The following VRK2 variants were observed in gnomAD, a reference collection of about 807,000 sequenced individuals.
VRK2 encodes serine/threonine-protein kinase VRK2.
VRK2 carries 60 observed loss-of-function variants against 57.6 expected under a neutral mutation model. The observed-to-expected ratio is 1.04, with a 90% CI of 0.85 to 1.29. The LOEUF is 1.29. Ranked by LOEUF, VRK2 falls within the 50% of genes most tolerant of loss-of-function variation. The pLI, the probability that VRK2 is intolerant of heterozygous loss-of-function variation, is 0.00. For missense variants in VRK2, 705 were observed against 588.1 expected, an observed-to-expected ratio of 1.20 and a Z score of -2.06; for synonymous variants, 231 against 199.2, an observed-to-expected ratio of 1.16 and a Z score of -1.35.
At chr2:58,154,579 C>G (rs1314872537) in intron 12 of VRK2, among the ~76,000 whole-genome samples, 1 of 151,796 alleles carries the variant, frequency 6.6e-6, no homozygotes, top group East Asian at 1.9e-4. Context: ...TTAGCTATGT[C>G]CCATGTTTTG....
chr2:58,100,810 ACT>A (rs1443427288), intron 7 of VRK2, among the ~76,000 whole-genome samples: 13 of 151,752 alleles, frequency 8.6e-5, no homozygotes, highest in African/African-American at 2.2e-4. Flanking sequence ...AGAAAAATAA[ACT>A]CTATGCTAAA....
At chr2:57,946,880 T>C (rs561680445) in intron 1 of VRK2, among the ~76,000 whole-genome samples, 1 of 152,234 alleles carries the variant, frequency 6.6e-6, no homozygotes, top group Non-Finnish European at 1.5e-5. Flanking sequence ...CAGTTTACTA[T>C]AGCCTGGCTA....
chr2:58,083,484 TTGAAA>T (rs958423833), intron 2 of VRK2, among the ~76,000 whole-genome samples: 12 of 151,972 alleles, frequency 7.9e-5, no homozygotes, highest in African/African-American at 2.6e-4. Context: ...GTAAGGTAAC[TTGAAA>T]TGAATTTATG....
At chr2:58,119,256 G>A (rs1677031026) in intron 7 of VRK2, among the ~76,000 whole-genome samples, 2 of 151,838 alleles carry the variant, frequency 1.3e-5, no homozygotes, top group African/African-American at 4.8e-5. Context: ...CCAGCACTTT[G>A]GGAGACCAAG....
chr2:58,026,059 G>T (rs1432391939), intron 2 of VRK2, among the ~76,000 whole-genome samples: 1 of 152,110 alleles, frequency 6.6e-6, no homozygotes, highest in Non-Finnish European at 1.5e-5. Context: ...TCTACTGGGG[G>T]ATTTTAATAC....
intron 1 of VRK2, among the ~76,000 whole-genome samples, chr2:57,991,698 C>G (rs769839043): frequency 4.0e-5 from 6 of 151,804 alleles, no homozygotes; most frequent in Admixed American, 6.6e-5. Context: ...CCTGTAATCC[C>G]CAGCACTTTG....
intron 1 of VRK2, among the ~76,000 whole-genome samples, chr2:57,952,965 A>G (rs2103980887): frequency 6.6e-6 from 1 of 152,292 alleles, no homozygotes; most frequent in African/African-American, 2.4e-5. Flanking sequence ...GCTTCTCGTC[A>G]GATGTCGTGG....
intron 7 of VRK2, among the ~76,000 whole-genome samples, chr2:58,114,510 T>C (rs1676116215): frequency 1.3e-5 from 2 of 152,302 alleles, no homozygotes; most frequent in South Asian, 2.1e-4. Context: ...TACAGGAGCT[T>C]AAATGGGCTG....
chr2:58,012,285 C>A (rs1673438398), intron 1 of VRK2, among the ~76,000 whole-genome samples: 1 of 152,126 alleles, frequency 6.6e-6, no homozygotes, highest in African/African-American at 2.4e-5. Context: ...TATTCCTTTA[C>A]TTTCCTAATA....
chr2:57,978,852 T>C (rs1672329341), intron 1 of VRK2, among the ~76,000 whole-genome samples: 1 of 150,796 alleles, frequency 6.6e-6, no homozygotes, highest in Non-Finnish European at 1.5e-5. Flanking sequence ...CCTCTCCATG[T>C]CCATGTGTTC....
intron 2 of VRK2, among the ~76,000 whole-genome samples, chr2:58,052,038 T>C (rs1675820373): frequency 6.6e-6 from 1 of 152,204 alleles, no homozygotes; most frequent in Non-Finnish European, 1.5e-5. Context: ...GTTAGAATTT[T>C]ACTATAATGC....
intron 1 of VRK2, among the ~76,000 whole-genome samples, chr2:57,917,061 T>A (rs1212997482): frequency 6.6e-6 from 1 of 152,184 alleles, no homozygotes; most frequent in Non-Finnish European, 1.5e-5. Flanking sequence ...CATTAGGTTC[T>A]AATTAGGGAA....
At chr2:58,018,057 C>A (rs900881866) in intron 1 of VRK2, 6 of 152,212 alleles carry the variant, frequency 3.9e-5, no homozygotes, top group African/African-American at 1.4e-4. Flanking sequence ...GTGGCACGAT[C>A]TCAGCTTACT....
chr2:58,028,899 AATAAATATATATAT>A lies in VRK2; in HGVS notation c.-333+3133_-333+3146del, dbSNP rs1341012449. On this transcript the variant is annotated intron_variant, in intron 2 of 15. Transcript: ENST00000417641. ...TTAAAGTATAATAAATAAATAAATA[AATAAATATATATAT>A]ATATATATATATATATATATATATA... Among the ~76,000 whole-genome samples the A allele has an allele frequency of 2.0e-3, 159 of 80,858 alleles. 1 individual carries two copies. The highest frequency in any genetic ancestry group is 5.3e-3 in the African/African-American group (119 of 22,276). The allele number at this position is 80,858 out of a possible 152,430, so 53.0% of individuals were successfully genotyped here. A position where few individuals can be genotyped will look rare whatever the true frequency, so the allele number is the denominator to read the frequency against.
intron 1 of VRK2, among the ~76,000 whole-genome samples, chr2:58,003,551 G>T (rs1343439057): frequency 6.6e-6 from 1 of 152,018 alleles, no homozygotes; most frequent in African/African-American, 2.4e-5. Context: ...TCAGAAAACT[G>T]CAAATTATTT....
chr2:57,927,561 C>T (rs1421983288), intron 1 of VRK2, among the ~76,000 whole-genome samples: 3 of 152,196 alleles, frequency 2.0e-5, no homozygotes, highest in Non-Finnish European at 4.4e-5. Flanking sequence ...TTTAGTCTTT[C>T]TACTCAGGAT....
intron 1 of VRK2, among the ~76,000 whole-genome samples, chr2:57,953,291 T>C (rs1344102791): frequency 2.0e-5 from 3 of 152,330 alleles, no homozygotes; most frequent in Middle Eastern, 3.4e-3. Flanking sequence ...GTAATGCACT[T>C]TTTCTGCATC....
At chr2:58,136,460 G>A (rs1680025724) in intron 10 of VRK2, among the ~76,000 whole-genome samples, 1 of 150,862 alleles carries the variant, frequency 6.6e-6, no homozygotes, top group Non-Finnish European at 1.5e-5. Flanking sequence ...TCTCGGCTCA[G>A]TGCAACCTCC....
upstream of VRK2, chr2:57,907,650 T>C (rs1160406650): frequency 1.3e-5 from 2 of 152,262 alleles, no homozygotes; most frequent in African/African-American, 4.8e-5. Context: ...CCTCCAACCC[T>C]GGCTATTCAC....
Sources: gnomAD v4.1 joint callset for allele counts (sites outside exome capture counted in the v4.1 genomes callset) on GRCh38, gnomAD v4.1.1 for gene constraint, MANE v1.5 for transcripts, NCBI Gene and HGNC (gene_info 2026-07-23, HGNC 2026-07-21) for gene names.